Variants in REL observed in about 807,000 individuals in gnomAD.
REL encodes the protein REL proto-oncogene, NF-kB subunit.
A neutral mutation model predicts 45.9 loss-of-function variants in REL; 15 were observed. The ratio of observed to expected loss-of-function variants is 0.33; its 90% CI spans 0.22 to 0.50. The LOEUF (loss-of-function observed/expected upper bound fraction) is 0.50. Ranked by LOEUF, REL falls within the 20% of genes least tolerant of loss-of-function variation. The pLI is 0.98. For synonymous variants in REL, 239 were observed against 242.1 expected, an observed-to-expected ratio of 0.99 and a Z score of 0.12; for missense variants, 601 against 715.2, an observed-to-expected ratio of 0.84 and a Z score of 1.82.
chr2:60,906,784 A>T (rs1336002671), intron 4 of REL, among the ~76,000 whole-genome samples: 2 of 151,206 alleles, frequency 1.3e-5, no homozygotes, highest in Admixed American at 6.6e-5. Context: ...TCGTCTTTAA[A>T]GCCTTCCCTG....
In REL at chr2:60,881,802, G is replaced by T. The variant is rs1011867438; in HGVS notation, c.-39G>T. ...GACTGCGGCCGCCTCCGGCCAGGAC[G>T]CTGGGAGCTGCCTGCGGGAAGGTGC... On this transcript the variant is annotated 5_prime_UTR_variant, in exon 1 of 10. Transcript: ENST00000394479. 16 of 1,527,026 alleles carry T rather than the reference G, an allele frequency of 1.0e-5. No homozygotes were observed. The highest frequency in any genetic ancestry group is 1.4e-5 in the Non-Finnish European group (16 of 1,138,500). The allele number at this position is 1,527,026 out of a possible 1,614,324, so 94.6% of individuals were successfully genotyped here.
At chr2:60,906,911 A>ATTTT (rs1285004419) in intron 4 of REL, among the ~76,000 whole-genome samples, 4 of 108,978 alleles carry the variant, frequency 3.7e-5, no homozygotes, top group African/African-American at 7.7e-5. Context: ...ATATATATAT[A>ATTTT]TATTTTTTTT....
rs576810298 is a variant in REL at position 60,923,428 on chromosome 2, A to G, written c.*893A>G. 7 of 231,828 alleles carry G rather than the reference A, an allele frequency of 3.0e-5. No individual in the cohort carries two copies. Among genetic ancestry groups the G allele is most frequent in the African/African-American group, 1.5e-4 (7 of 45,248 alleles). 14.4% of individuals were successfully genotyped at this position (231,828 alleles called of 1,614,324 possible). A position where few individuals can be genotyped will look rare whatever the true frequency, so the allele number is the denominator to read the frequency against. ...TCCTTGGACCATTCGCCTTTCTTAG[A>G]TGTCCTCACTCCCTGTGATCTCATA... is the stretch of plus-strand genomic sequence containing the variant. On this transcript the variant is annotated 3_prime_UTR_variant, in exon 10 of 10. Coordinates refer to ENST00000394479, the MANE Select transcript of REL (RefSeq NM_001291746.2).
At chr2:60,893,910 C>T (rs915828082) in intron 2 of REL, among the ~76,000 whole-genome samples, 1 of 152,106 alleles carries the variant, frequency 6.6e-6, no homozygotes, top group Non-Finnish European at 1.5e-5. Flanking sequence ...ATTGCCTATT[C>T]TAGAGTAAAC....
rs1573344351 is a variant in REL, at chr2:60,918,576, A to G, written c.823A>G (p.Met275Val). 1.9e-6 allele frequency: 3 copies of G among 1,613,852 alleles called. No individual in the cohort carries two copies. The highest frequency in any genetic ancestry group is 2.5e-6 in the Non-Finnish European group (3 of 1,179,740). The part of the protein sequence containing the change: ...RPSDQEVSES[M>V]DFRYLPDEKD... Reference sequence around the variant, plus strand: ...TTCTGACCAGGAAGTTAGTGAATCTATGGATTTTAGATATCTGCCAGATGA... The same window carrying G: ...TTCTGACCAGGAAGTTAGTGAATCTGTGGATTTTAGATATCTGCCAGATGA... The change falls in exon 7 of 10, where the codon ATG becomes GTG. Residue 275 changes from methionine (M) to valine (V), a missense_variant. Met to Val is a conservative substitution (Grantham distance 21). This residue lies in a region of REL where 241 missense variants were observed against 347.0 expected (regional missense o/e 0.69). Transcript: ENST00000394479.
At chr2:60,890,951 C>G (rs1405446639) in intron 1 of REL, among the ~76,000 whole-genome samples, 1 of 152,134 alleles carries the variant, frequency 6.6e-6, no homozygotes, top group Non-Finnish European at 1.5e-5. Flanking sequence ...TGAGAGTCGT[C>G]CATGTTATTA....
At chr2:60,908,990 ATG>A (rs1220202489) in intron 4 of REL, among the ~76,000 whole-genome samples, 1 of 152,218 alleles carries the variant, frequency 6.6e-6, no homozygotes, top group East Asian at 1.9e-4. Flanking sequence ...AAAATGGCTC[ATG>A]TGTACTTCAT....
chr2:60,889,805 T>A (rs1215990769), intron 1 of REL, among the ~76,000 whole-genome samples: 1 of 152,192 alleles, frequency 6.6e-6, no homozygotes, highest in East Asian at 1.9e-4. Context: ...TGCATAGTAT[T>A]CCATGGTGTA....
At chr2:60,895,904 G>C (rs1000524300) in intron 3 of REL, among the ~76,000 whole-genome samples, 3 of 152,118 alleles carry the variant, frequency 2.0e-5, no homozygotes, top group African/African-American at 4.8e-5. Flanking sequence ...ATACATTCAT[G>C]CAATGTACTC....
At position 60,914,989 on chromosome 2, in the gene REL, G is replaced by A. The variant is rs180750653; in HGVS notation, c.395-1888G>A. Among the ~76,000 whole-genome samples, 1,119 of 152,002 alleles carry A rather than the reference G, an allele frequency of 7.4e-3. 6 individuals carry two copies. Among genetic ancestry groups the A allele is most frequent in the Non-Finnish European group, 0.012 (800 of 67,952 alleles). On this transcript the variant is annotated intron_variant, in intron 4 of 9. Coordinates refer to ENST00000394479, the MANE Select transcript of REL (RefSeq NM_001291746.2). ...TGGGATTATAGGCGCCCGCCACCAC[G>A]CCTGGCTAATTTTTTGTATTTTTAG...
At chr2:60,888,173 C>T (rs1432133738) in intron 1 of REL, among the ~76,000 whole-genome samples, 1 of 152,132 alleles carries the variant, frequency 6.6e-6, no homozygotes, top group Non-Finnish European at 1.5e-5. Context: ...AAGTGATCCA[C>T]CCACTTTGGC....
chr2:60,894,502 G>A lies in REL; in HGVS notation c.259G>A (p.Gly87Ser). 1.2e-6 allele frequency: 2 copies of A among 1,604,470 alleles called. No homozygotes were observed. ...TTTAGTTGGAAAAGACTGCAGAGAC[G>A]GCTACTATGAAGCAGAATTTGGACA... is the stretch of plus-strand genomic sequence containing the variant. ...HDLVGKDCRD[G>S]YYEAEFGQER... The change falls in exon 3 of 10, where the codon GGC becomes AGC. Residue 87 changes from glycine to serine, a missense_variant. Coordinates refer to ENST00000394479, the MANE Select transcript of REL (RefSeq NM_001291746.2).
rs1674193749 is a variant in REL at position 60,923,315 on chromosome 2, G to A, written c.*780G>A. ...GAAGTGAGCTTTCAAGGTATGGGAGGTTTTCTACATTTTATACTATTTCAA... is the reference window on the plus strand; with the variant it reads ...GAAGTGAGCTTTCAAGGTATGGGAGATTTTCTACATTTTATACTATTTCAA... On this transcript the variant is annotated 3_prime_UTR_variant, in exon 10 of 10. Transcript: ENST00000394479. 2 of 224,896 alleles carry A rather than the reference G, an allele frequency of 8.9e-6. No individual in the cohort carries two copies. Among genetic ancestry groups the A allele is most frequent in the Non-Finnish European group, 1.8e-5 (2 of 112,712 alleles). The allele number at this position is 224,896 out of a possible 1,614,324, so 13.9% of individuals were successfully genotyped here.
chr2:60,892,217 A>G (rs1271018476), intron 2 of REL, among the ~76,000 whole-genome samples: 2 of 152,156 alleles, frequency 1.3e-5, no homozygotes, highest in East Asian at 3.8e-4. Context: ...TGAGAACTCA[A>G]TCATAATTCT....
intron 4 of REL, among the ~76,000 whole-genome samples, chr2:60,901,619 G>A (rs954723758): frequency 2.0e-5 from 3 of 152,138 alleles, no homozygotes; most frequent in African/African-American, 7.2e-5. Flanking sequence ...TTGTTGGAGA[G>A]TGTCACTGTT....
chr2:60,891,970 G>C, intron 2 of REL, 145 bp downstream of exon 2: 2 of 746,608 alleles, frequency 2.7e-6, no homozygotes, highest in Non-Finnish European at 4.1e-6. Context: ...AAACGGATCT[G>C]TCAAAAAGAC....
intron 1 of REL, among the ~76,000 whole-genome samples, chr2:60,890,239 A>G (rs1050410261): frequency 6.6e-6 from 1 of 152,246 alleles, no homozygotes; most frequent in Non-Finnish European, 1.5e-5. Flanking sequence ...CATTTATTGA[A>G]TGTGTATGTA....
intron 4 of REL, among the ~76,000 whole-genome samples, chr2:60,910,635 G>C (rs1344501504): frequency 2.6e-5 from 4 of 151,874 alleles, no homozygotes; most frequent in Non-Finnish European, 5.9e-5. Context: ...TTCTGCAAAT[G>C]TTAAAACTGA....
intron 4 of REL, among the ~76,000 whole-genome samples, chr2:60,906,108 T>TA (rs1673640928): frequency 6.6e-6 from 1 of 152,166 alleles, no homozygotes; most frequent in South Asian, 2.1e-4. Context: ...AAATCCCTGA[T>TA]AAAACCATCA....
Sources: gnomAD v4.1 joint callset for allele counts (sites outside exome capture counted in the v4.1 genomes callset) on GRCh38, gnomAD v4.1.1 for gene constraint, gnomAD v4.1.1 regional missense constraint, MANE v1.5 for transcripts, NCBI Gene and HGNC (gene_info 2026-07-23, HGNC 2026-07-21) for gene names.